The following MRTFB variants were observed in gnomAD, a reference collection of about 807,000 sequenced individuals.
MRTFB encodes the protein myocardin related transcription factor B.
MRTFB carries 29 observed loss-of-function variants against 104.2 expected under a neutral mutation model. That is an observed-to-expected ratio of 0.28 (90% CI 0.21 to 0.38). The LOEUF is 0.38. MRTFB is among the 10% of genes least tolerant of loss of function. MRTFB has a pLI of 1.00. For missense variants in MRTFB, 1,270 were observed against 1,341.6 expected (o/e 0.95, Z 0.83); for synonymous variants, 535 against 519.5 (o/e 1.03, Z -0.41).
At chr16:14,051,864 C>T in the MRTFB span, among the ~76,000 whole-genome samples, 1 of 152,284 alleles carries the variant, frequency 6.6e-6, no homozygotes, top group East Asian at 1.9e-4. Flanking sequence ...TCTTCTCCAC[C>T]TTTTTTCTGA....
At chr16:14,074,981 A>G (rs1191518498) in intron 1 of MRTFB, among the ~76,000 whole-genome samples, 3 of 152,262 alleles carry the variant, frequency 2.0e-5, no homozygotes, top group Non-Finnish European at 2.9e-5. Flanking sequence ...ATCAGATAAT[A>G]TAACCAGACA....
In MRTFB at chr16:14,099,066, G is replaced by A. The variant is rs1381950275; in HGVS notation, c.-64+19712G>A. 2.6e-5 allele frequency among the ~76,000 whole-genome samples: 4 copies of A among 152,040 alleles called. No individual in the cohort carries two copies. The East Asian group carries it at 7.7e-4, about 29-fold the overall frequency. ...TTGTTTGAGCTATTCTGGGTCCTTT[G>A]CATATCCATTTGGAGTTTAGAATCA... On this transcript the variant is annotated intron_variant, in intron 2 of 16. Transcript: ENST00000571589.
At chr16:14,061,870 C>CA in the MRTFB span, among the ~76,000 whole-genome samples, 1 of 152,098 alleles carries the variant, frequency 6.6e-6, no homozygotes, top group Non-Finnish European at 1.5e-5. Flanking sequence ...AAGGTGGTTC[C>CA]TGACATAGCC....
the MRTFB span, among the ~76,000 whole-genome samples, chr16:14,002,225 A>G: frequency 1.3e-5 from 2 of 152,092 alleles, no homozygotes; most frequent in African/African-American, 2.4e-5. Context: ...TCTACTAAAA[A>G]TACCAAAATT....
the MRTFB span, among the ~76,000 whole-genome samples, chr16:14,057,928 C>T: frequency 1.3e-5 from 2 of 152,216 alleles, no homozygotes; most frequent in Non-Finnish European, 2.9e-5. Flanking sequence ...CAGAGGCCCA[C>T]GGGCCTGTTT....
intron 2 of MRTFB, among the ~76,000 whole-genome samples, chr16:14,125,105 A>G (rs560218200): frequency 4.2e-4 from 64 of 152,312 alleles, no homozygotes; most frequent in African/African-American, 1.3e-3. Flanking sequence ...AGGTTGGCAT[A>G]TTGTCTTTCA....
At chr16:14,023,606 C>T in the MRTFB span, among the ~76,000 whole-genome samples, 611 of 39,602 alleles carry the variant, frequency 0.015, 5 homozygotes, top group African/African-American at 0.055. Flanking sequence ...CACACACACA[C>T]ACACATACAT....
the MRTFB span, among the ~76,000 whole-genome samples, chr16:14,040,562 C>T: frequency 6.6e-6 from 1 of 151,736 alleles, no homozygotes; most frequent in Admixed American, 6.6e-5. Context: ...TCCCTGGTTC[C>T]AGAGATTCTC....
chr16:14,210,906 C>T (rs536435622), intron 4 of MRTFB, among the ~76,000 whole-genome samples: 3 of 152,186 alleles, frequency 2.0e-5, no homozygotes, highest in African/African-American at 4.8e-5. Context: ...TGTTTCTTTA[C>T]CTTTAGTCAC....
intron 2 of MRTFB, among the ~76,000 whole-genome samples, chr16:14,108,464 A>G (rs996948530): frequency 3.3e-5 from 5 of 152,222 alleles, no homozygotes; most frequent in Non-Finnish European, 7.3e-5. Flanking sequence ...TTATGCAGGG[A>G]GAGAATTTAG....
intron 15 of MRTFB, among the ~76,000 whole-genome samples, 156 bp from the exon 16 acceptor site, chr16:14,257,945 G>A (rs1010561823): frequency 2.0e-4 from 31 of 152,052 alleles, no homozygotes; most frequent in African/African-American, 7.0e-4. Context: ...GTACAGCTTG[G>A]GTAAATGGCT....
At chr16:14,024,974 A>G in the MRTFB span, among the ~76,000 whole-genome samples, 706 of 152,296 alleles carry the variant, frequency 4.6e-3, 4 homozygotes, top group African/African-American at 0.016. Context: ...TTCCAAGCAA[A>G]TGGGATTAAT....
At chr16:14,033,705 C>T in the MRTFB span, among the ~76,000 whole-genome samples, 29 of 151,854 alleles carry the variant, frequency 1.9e-4, no homozygotes, top group South Asian at 6.0e-3. Context: ...GGCATGGTGG[C>T]ACGCACCTGT....
At chr16:14,166,098 A>G (rs568783917) in intron 3 of MRTFB, among the ~76,000 whole-genome samples, 10 of 152,338 alleles carry the variant, frequency 6.6e-5, no homozygotes, top group South Asian at 4.1e-4. Context: ...GTGCATGTCA[A>G]TCTTATTGTT....
chr16:14,217,366 G>A (rs1221227415), intron 7 of MRTFB, 79 bp downstream of exon 7: 3 of 1,232,498 alleles, frequency 2.4e-6, no homozygotes, highest in East Asian at 2.4e-5. Flanking sequence ...TAATTTAAAG[G>A]CTAGCACCGA....
chr16:14,178,727 G>C (rs776964461), intron 3 of MRTFB, among the ~76,000 whole-genome samples: 5 of 152,038 alleles, frequency 3.3e-5, no homozygotes, highest in African/African-American at 9.7e-5. Context: ...TTCAGTGTAT[G>C]GGGGGCAGGG....
intron 8 of MRTFB, among the ~76,000 whole-genome samples, chr16:14,224,942 T>G (rs1415164075): frequency 6.6e-6 from 1 of 152,198 alleles, no homozygotes; most frequent in Non-Finnish European, 1.5e-5. Context: ...CCCAGCACAC[T>G]TTGGGAGGCC....
chr16:14,115,657 G>A (rs1334929438), intron 2 of MRTFB, among the ~76,000 whole-genome samples: 1 of 152,108 alleles, frequency 6.6e-6, no homozygotes, highest in Non-Finnish European at 1.5e-5. Context: ...TAATATTTCT[G>A]CCTTGAAATA....
Position 14,079,284 on chromosome 16 carries a change from T to G in MRTFB, c.-128-6T>G, listed in dbSNP as rs1051976081. ...TAAAAAGTAATTTCTGCCTTTTTTT[T>G]TCCAGGTTCACAATAAAGGTGCTAA... On this transcript the variant is annotated splice_polypyrimidine_tract_variant and splice_region_variant and intron_variant, in intron 1 of 16. Coordinates refer to ENST00000571589, the MANE Select transcript of MRTFB (RefSeq NM_001308142.2). The G allele has an allele frequency of 8.5e-6, 3 of 353,604 alleles. No individual in the cohort carries two copies. Among genetic ancestry groups the G allele is most frequent in the Non-Finnish European group, 1.5e-5 (3 of 194,454 alleles). The allele number at this position is 353,604 out of a possible 1,614,324, so 21.9% of individuals were successfully genotyped here. A position where few individuals can be genotyped will look rare whatever the true frequency, so the allele number is the denominator to read the frequency against.
Sources: allele counts gnomAD v4.1 joint callset (sites outside exome capture counted in the v4.1 genomes callset), GRCh38; gene constraint gnomAD v4.1.1; transcripts MANE v1.5; gene names NCBI Gene and HGNC (gene_info 2026-07-23, HGNC 2026-07-21).